SKAP2: variants seen among roughly 807,000 people sequenced by gnomAD.
SKAP2 encodes src kinase-associated phosphoprotein 2.
SKAP2 carries 28 observed loss-of-function variants against 54.9 expected under a neutral mutation model. The ratio of observed to expected loss-of-function variants is 0.51; its 90% CI spans 0.38 to 0.70. The LOEUF (loss-of-function observed/expected upper bound fraction) is 0.70, where lower values mean the gene tolerates loss of function less well. SKAP2 is among the 30% of genes least tolerant of loss of function. SKAP2 has a pLI of 0.00. For missense variants in SKAP2, 356 were observed against 424.1 expected (o/e 0.84, Z 1.41); for synonymous variants, 137 against 134.3 (o/e 1.02, Z -0.14).
At chr7:26,742,228 G>A (rs1402457290) in intron 4 of SKAP2, 6 of 152,060 alleles carry the variant, frequency 3.9e-5, no homozygotes, top group Non-Finnish European at 8.8e-5. Context: ...CTCATTAAGG[G>A]GTAGTCCCAC....
intron 9 of SKAP2, among the ~76,000 whole-genome samples, chr7:26,713,073 C>T (rs908231703): frequency 1.3e-5 from 2 of 152,208 alleles, no homozygotes; most frequent in African/African-American, 2.4e-5. Flanking sequence ...CCCTTCTCTC[C>T]AATCTCATTT....
chr7:26,790,144 G>C (rs1562611410), intron 4 of SKAP2, among the ~76,000 whole-genome samples: 1 of 152,132 alleles, frequency 6.6e-6, no homozygotes, highest in Non-Finnish European at 1.5e-5. Context: ...TTTATGAGCT[G>C]AATTATAGGA....
chr7:26,665,592 T>G (rs1786092098), downstream of SKAP2, among the ~76,000 whole-genome samples: 1 of 152,156 alleles, frequency 6.6e-6, no homozygotes, highest in Non-Finnish European at 1.5e-5. Flanking sequence ...TGTTTGTGTA[T>G]AAGTAATGGT....
At chr7:26,679,030 A>G (rs779333102) in intron 11 of SKAP2, among the ~76,000 whole-genome samples, 6 of 152,174 alleles carry the variant, frequency 3.9e-5, no homozygotes, top group Non-Finnish European at 7.4e-5. Context: ...CTTTTCTTTA[A>G]GGTTTTGTTT....
At chr7:26,662,341 A>G (rs1283718948), downstream of SKAP2, among the ~76,000 whole-genome samples, 1 of 152,152 alleles carries the variant, frequency 6.6e-6, no homozygotes, top group East Asian at 1.9e-4. Flanking sequence ...TTAAAAATAC[A>G]TACATAAGGA....
At chr7:26,776,039 CATAT>C (rs1381844540) in intron 4 of SKAP2, among the ~76,000 whole-genome samples, 1 of 152,094 alleles carries the variant, frequency 6.6e-6, no homozygotes, top group Non-Finnish European at 1.5e-5. Context: ...ATGCTGATTG[CATAT>C]TCAATGGACA....
chr7:26,804,267 A>T (rs1184865725), intron 4 of SKAP2, among the ~76,000 whole-genome samples: 11 of 152,146 alleles, frequency 7.2e-5, no homozygotes, highest in East Asian at 1.9e-4. Flanking sequence ...AAAATTTTTT[A>T]AAAAATAATT....
At chr7:26,755,771 G>T (rs1782777444) in intron 4 of SKAP2, among the ~76,000 whole-genome samples, 1 of 152,150 alleles carries the variant, frequency 6.6e-6, no homozygotes, top group South Asian at 2.1e-4. Context: ...TAACTTATAG[G>T]ACTGGCAAAA....
intron 9 of SKAP2, among the ~76,000 whole-genome samples, chr7:26,706,517 G>C (rs1787158141): frequency 6.6e-6 from 1 of 152,048 alleles, no homozygotes; most frequent in Non-Finnish European, 1.5e-5. Flanking sequence ...TATAAAATCA[G>C]CTGTCACAAA....
intron 8 of SKAP2, 64 bp downstream of exon 8, chr7:26,725,859 C>A: frequency 2.2e-6 from 3 of 1,356,550 alleles, no homozygotes; most frequent in South Asian, 2.4e-5. Context: ...TATATGAAAA[C>A]CCAAACTACT....
chr7:26,686,611 TTAA>T (rs1786647438), intron 10 of SKAP2, among the ~76,000 whole-genome samples: 1 of 152,198 alleles, frequency 6.6e-6, no homozygotes, highest in South Asian at 2.1e-4. Context: ...AAAAAATCAC[TTAA>T]TAATAAAGTG....
intron 9 of SKAP2, among the ~76,000 whole-genome samples, chr7:26,711,122 A>G (rs1787291670): frequency 6.6e-6 from 1 of 152,306 alleles, no homozygotes; most frequent in Admixed American, 6.5e-5. Context: ...ATGCTATATA[A>G]TGGTGTAATA....
At position 26,788,696 on chromosome 7, in the gene SKAP2, G is replaced by C. The variant is rs933971538; in HGVS notation, c.308-48732C>G. ...AAAATGCAACTCTAGCACTAATCAA[G>C]TGTGTAAGTTGAAAAACTGAAATTC... is the stretch of plus-strand genomic sequence containing the variant. On this transcript the variant is annotated intron_variant, in intron 4 of 12. Coordinates refer to ENST00000345317, the MANE Select transcript of SKAP2 (RefSeq NM_003930.5). Among the ~76,000 whole-genome samples the C allele has an allele frequency of 3.9e-5, 6 of 152,218 alleles. No homozygotes were observed. The South Asian group carries it at 1.2e-3, about 32-fold the overall frequency.
At chr7:26,846,700 A>G (rs514043) in intron 3 of SKAP2, among the ~76,000 whole-genome samples, 126,889 of 152,208 alleles carry the variant, frequency 0.83, 53,516 homozygotes, top group East Asian at 0.99. Context: ...TAAAAAATAG[A>G]CCGGGTGCGG....
intron 4 of SKAP2, among the ~76,000 whole-genome samples, chr7:26,813,977 A>C (rs1433089724): frequency 6.6e-6 from 1 of 152,170 alleles, no homozygotes; most frequent in Non-Finnish European, 1.5e-5. Flanking sequence ...TGATATTAGG[A>C]GCAAATTCTC....
intron 4 of SKAP2, among the ~76,000 whole-genome samples, chr7:26,826,691 T>C (rs891791845): frequency 6.6e-6 from 1 of 152,210 alleles, no homozygotes; most frequent in Non-Finnish European, 1.5e-5. Context: ...TTTCTTGTAA[T>C]AGTGATTAAA....
chr7:26,740,151 T>TAAAAAAAA (rs60264987), intron 4 of SKAP2, among the ~76,000 whole-genome samples, 187 bp from the exon 5 acceptor site: 2 of 129,848 alleles, frequency 1.5e-5, no homozygotes, highest in African/African-American at 2.8e-5. Flanking sequence ...GTCTCAAAAG[T>TAAAAAAAA]AAAAAAAAAA....
At chr7:26,709,292 T>C (rs893961695) in intron 9 of SKAP2, among the ~76,000 whole-genome samples, 1 of 152,076 alleles carries the variant, frequency 6.6e-6, no homozygotes, top group Non-Finnish European at 1.5e-5. Context: ...GAGAGTGTAA[T>C]AGGCAATGTG....
chr7:26,657,568 T>G, the SKAP2 span, among the ~76,000 whole-genome samples: 1 of 152,170 alleles, frequency 6.6e-6, no homozygotes, highest in African/African-American at 2.4e-5. Context: ...TTATGGTAAT[T>G]CATTACATCT....
Sources: allele counts gnomAD v4.1 joint callset (sites outside exome capture counted in the v4.1 genomes callset), GRCh38; gene constraint gnomAD v4.1.1; transcripts MANE v1.5; gene names NCBI Gene and HGNC (gene_info 2026-07-23, HGNC 2026-07-21).